Variants in CCDC186 observed in about 807,000 individuals in gnomAD.
CCDC186 encodes the protein coiled-coil domain containing 186, also known as coiled-coil domain-containing protein 186.
In CCDC186, 49 loss-of-function variants were observed where a neutral mutation model predicts 113.7. That is an observed-to-expected ratio of 0.43 (90% CI 0.34 to 0.55). The LOEUF is 0.55. CCDC186 is among the 20% of genes least tolerant of loss of function. The pLI, the probability that CCDC186 is intolerant of heterozygous loss-of-function variation, is 0.02. For missense variants in CCDC186, 890 were observed against 1,011.1 expected (o/e 0.88, Z 1.62); for synonymous variants, 355 against 345.8 (o/e 1.03, Z -0.30).
Position 114,131,284 on chromosome 10 carries a change from A to C in CCDC186, c.1964T>G (p.Leu655Arg). Residue 655 changes from leucine to arginine, a missense_variant, in exon 12 of 16, where the codon CTG becomes CGG. Physicochemically the swap from Leu to Arg is moderately radical, Grantham distance 102. Coordinates refer to ENST00000369287, the MANE Select transcript of CCDC186 (RefSeq NM_018017.4). ...EELRKEEVQT[L>R]QAELACRQTE... ...TTGTCTACAAGCGAGTTCAGCTTGCAGAGTTTGGACTTCCTCTTTTCGCAG... is the reference window on the plus strand; with the variant it reads ...TTGTCTACAAGCGAGTTCAGCTTGCCGAGTTTGGACTTCCTCTTTTCGCAG... The C allele has an allele frequency of 1.2e-6, 2 of 1,602,446 alleles. No individual in the cohort carries two copies. The highest frequency in any genetic ancestry group is 2.2e-5 in the South Asian group (2 of 88,904).
intron 5 of CCDC186, 32 bp from the exon 6 acceptor site, chr10:114,144,648 AT>A: frequency 6.5e-7 from 1 of 1,550,252 alleles, no homozygotes. Context: ...ATATATTTTC[AT>A]TTATAGAATC....
At chr10:114,135,832 G>T in intron 9 of CCDC186, 59 bp downstream of exon 9, 2 of 1,310,944 alleles carry the variant, frequency 1.5e-6, no homozygotes, top group Non-Finnish European at 1.1e-6. Flanking sequence ...AAATCAGAAT[G>T]AATTCAAAAT....
At chr10:114,128,936 T>G (rs925084439) in intron 13 of CCDC186, among the ~76,000 whole-genome samples, 1 of 152,218 alleles carries the variant, frequency 6.6e-6, no homozygotes, top group Non-Finnish European at 1.5e-5. Flanking sequence ...TCTCTTTGTA[T>G]GAATTAACGT....
Position 114,136,214 on chromosome 10 carries a change from A to G in CCDC186, c.1359T>C (p.Asp453=), listed in dbSNP as rs755828138. ...CTCCTTTTGTGACTCTAAGCTTTGC[A>G]TCAAGCTCATTTGATTTAATTTCTT... ...ESEEIKSNEL[D]AKLRVTKGEL... The change falls in exon 8 of 16, where the codon GAT becomes GAC. Residue 453 remains aspartate (D), a synonymous_variant. Coordinates refer to ENST00000369287, the MANE Select transcript of CCDC186 (RefSeq NM_018017.4). 1.2e-6 allele frequency: 2 copies of G among 1,612,348 alleles called. No individual in the cohort carries two copies. Among genetic ancestry groups the G allele is most frequent in the Non-Finnish European group, 1.7e-6 (2 of 1,179,792 alleles).
In CCDC186 at chr10:114,144,487, C is replaced by T. The variant is rs1436348142; in HGVS notation, c.1221+10G>A. 1 of 1,608,544 alleles carries T rather than the reference C, an allele frequency of 6.2e-7. No homozygotes were observed. Among genetic ancestry groups the T allele is most frequent in the Admixed American group, 1.7e-5 (1 of 59,038 alleles). On this transcript the variant is annotated intron_variant, in intron 6 of 15. Transcript: ENST00000369287. ...TTCTAATCATTATTCCATTGTATTA[C>T]AGTACGTACCTTGTGTGAATCCATT...
intron 6 of CCDC186, among the ~76,000 whole-genome samples, chr10:114,142,877 CAT>C (rs1466063160): frequency 6.6e-6 from 1 of 152,170 alleles, no homozygotes; most frequent in African/African-American, 2.4e-5. Context: ...ATAATAACCA[CAT>C]GATTATTAAA....
intron 10 of CCDC186, among the ~76,000 whole-genome samples, chr10:114,133,583 G>C (rs975832048): frequency 2.6e-5 from 4 of 152,144 alleles, no homozygotes; most frequent in African/African-American, 9.7e-5. Flanking sequence ...CAAGGAGATT[G>C]AGAGAGAGTT....
chr10:114,172,009 C>T (rs1052551923), intron 1 of CCDC186, among the ~76,000 whole-genome samples: 4 of 152,060 alleles, frequency 2.6e-5, no homozygotes, highest in Non-Finnish European at 4.4e-5. Context: ...TCACTGCTGC[C>T]CCTAAAATGA....
intron 6 of CCDC186, among the ~76,000 whole-genome samples, chr10:114,143,668 A>G (rs1432815498): frequency 6.6e-6 from 1 of 152,216 alleles, no homozygotes; most frequent in African/African-American, 2.4e-5. Context: ...TGATAATGCT[A>G]TATCAGAGAA....
chr10:114,173,047 C>T (rs2032556021), intron 1 of CCDC186: 1 of 349,510 alleles, frequency 2.9e-6, no homozygotes, highest in African/African-American at 2.1e-5. Context: ...TTACTGAACA[C>T]CTTAGAAGAC....
chr10:114,136,017 C>T (rs756818164), intron 8 of CCDC186, 40 bp from the exon 9 acceptor site: 1 of 1,559,944 alleles, frequency 6.4e-7, no homozygotes, highest in African/African-American at 1.4e-5. Flanking sequence ...TCATAATGTG[C>T]TAAACTATAT....
chr10:114,147,653 A>G (rs1476861310), intron 4 of CCDC186, among the ~76,000 whole-genome samples: 2 of 152,228 alleles, frequency 1.3e-5, no homozygotes, highest in Non-Finnish European at 2.9e-5. Context: ...TCATGGTAAT[A>G]AGTTGAGGTT....
At position 114,142,285 on chromosome 10, in the gene CCDC186, T is replaced by C. The variant is rs188467214; in HGVS notation, c.1221+2212A>G. On this transcript the variant is annotated intron_variant, in intron 6 of 15. Coordinates refer to ENST00000369287, the MANE Select transcript of CCDC186 (RefSeq NM_018017.4). ...ACATTAGGCCTGTACTATATTACCA[T>C]CTACAACCTCCTGCTGGTCTAGCTT... Among the ~76,000 whole-genome samples the C allele has an allele frequency of 2.9e-3, 446 of 152,340 alleles. 2 individuals are homozygous for C. The highest frequency in any genetic ancestry group is 4.1e-3 in the Non-Finnish European group (279 of 68,036).
At chr10:114,154,516 C>T (rs184675402) in intron 3 of CCDC186, among the ~76,000 whole-genome samples, 45 of 152,030 alleles carry the variant, frequency 3.0e-4, no homozygotes, top group Middle Eastern at 3.4e-3. Context: ...CTGAATAGAC[C>T]TATAACAAGT....
At chr10:114,137,667 T>A (rs989293590) in intron 6 of CCDC186, among the ~76,000 whole-genome samples, 1 of 151,378 alleles carries the variant, frequency 6.6e-6, no homozygotes. Flanking sequence ...CTTTGGGAGG[T>A]GGAGGCGGGT....
At chr10:114,147,965 C>T (rs527244673) in intron 4 of CCDC186, among the ~76,000 whole-genome samples, 5 of 151,092 alleles carry the variant, frequency 3.3e-5, no homozygotes, top group African/African-American at 1.2e-4. Context: ...CCCCTATCTA[C>T]AAAAAAAACA....
intron 7 of CCDC186, 151 bp downstream of exon 7, chr10:114,137,035 T>A (rs2031285119): frequency 3.7e-6 from 2 of 544,864 alleles, no homozygotes; most frequent in Admixed American, 3.3e-5. Flanking sequence ...GAGAATCGCT[T>A]GTACCCGGGA....
intron 6 of CCDC186, among the ~76,000 whole-genome samples, chr10:114,143,161 C>G (rs1028702315): frequency 6.6e-6 from 1 of 152,212 alleles, no homozygotes; most frequent in African/African-American, 2.4e-5. Context: ...TTACAGAAGT[C>G]AGCCTTAAAT....
chr10:114,147,043 C>T (rs1460541149), intron 4 of CCDC186, among the ~76,000 whole-genome samples: 6 of 152,120 alleles, frequency 3.9e-5, no homozygotes, highest in Non-Finnish European at 8.8e-5. Context: ...TGATAGGCCC[C>T]GAGGTTGTAA....
Sources: gnomAD v4.1 joint callset for allele counts (sites outside exome capture counted in the v4.1 genomes callset) on GRCh38, gnomAD v4.1.1 for gene constraint, MANE v1.5 for transcripts, NCBI Gene and HGNC (gene_info 2026-07-23, HGNC 2026-07-21) for gene names.